Variants in MPP7 observed in about 807,000 individuals in gnomAD.
The protein encoded by MPP7 is MAGUK p55 scaffold protein 7.
In MPP7, 60 loss-of-function variants were observed where a neutral mutation model predicts 76.5. That is an observed-to-expected ratio of 0.78 (90% CI 0.64 to 0.97). The LOEUF (loss-of-function observed/expected upper bound fraction) is 0.97, where lower values mean the gene tolerates loss of function less well. Among genes scored for constraint, MPP7 ranks in the 50% least tolerant of loss-of-function variants. The probability of loss-of-function intolerance (pLI) is 0.00; values close to 1 mark genes in which losing one functional copy is unlikely to be tolerated. For missense variants in MPP7, 641 were observed against 694.0 expected (o/e 0.92, Z 0.86); for synonymous variants, 237 against 244.5 (o/e 0.97, Z 0.29).
In MPP7 at chr10:28,151,002, G is replaced by C. The variant is rs568782685; in HGVS notation, c.157-943C>G. Among the ~76,000 whole-genome samples the C allele has an allele frequency of 3.5e-3, 530 of 152,228 alleles. 3 individuals carry two copies. The highest frequency in any genetic ancestry group is 0.012 in the African/African-American group (512 of 41,538). On this transcript the variant is annotated intron_variant, in intron 3 of 16. Transcript: ENST00000683449. ...TCACTTTAGTCTCTTTTTATTTATA[G>C]TTGAAGAAAAATGTCCCCCACCATA...
chr10:28,111,204 GA>G (rs372595246), intron 11 of MPP7, among the ~76,000 whole-genome samples: 8,007 of 148,446 alleles, frequency 0.054, 261 homozygotes, highest in Middle Eastern at 0.12. Context: ...GCACCCAAAG[GA>G]AAAAAAAAAT....
At chr10:28,101,711 A>T (rs1020938234) in intron 11 of MPP7, among the ~76,000 whole-genome samples, 2 of 152,190 alleles carry the variant, frequency 1.3e-5, no homozygotes, top group Non-Finnish European at 2.9e-5. Context: ...GATTAGAACA[A>T]GTTTTCTATA....
intron 11 of MPP7, among the ~76,000 whole-genome samples, chr10:28,114,649 C>G (rs1418068068): frequency 5.3e-5 from 8 of 152,118 alleles, no homozygotes; most frequent in Non-Finnish European, 1.2e-4. Flanking sequence ...AATCCCCATA[C>G]TAGAAACCAC....
chr10:28,141,331 T>C (rs184565662), intron 5 of MPP7, among the ~76,000 whole-genome samples: 13 of 152,236 alleles, frequency 8.5e-5, no homozygotes, highest in African/African-American at 2.4e-4. Context: ...AAGCATATCC[T>C]GTTTTTACTA....
At chr10:28,148,694 TAAAAC>T (rs1257605649) in intron 4 of MPP7, among the ~76,000 whole-genome samples, 1 of 152,194 alleles carries the variant, frequency 6.6e-6, no homozygotes, top group Non-Finnish European at 1.5e-5. Flanking sequence ...TTTAGTCACT[TAAAAC>T]ATAATATATT....
At chr10:28,184,944 GTAA>G (rs956667632) in intron 3 of MPP7, among the ~76,000 whole-genome samples, 2 of 146,272 alleles carry the variant, frequency 1.4e-5, no homozygotes, top group Admixed American at 6.9e-5. Context: ...ATATCATAAT[GTAA>G]TAATATAATA....
At chr10:28,313,290 G>T (rs1008804094) in intron 2 of MPP7, among the ~76,000 whole-genome samples, 4 of 152,182 alleles carry the variant, frequency 2.6e-5, no homozygotes, top group South Asian at 2.1e-4. Context: ...AAGATCACTT[G>T]AGGTCAGGAG....
chr10:28,202,057 A>T, intron 3 of MPP7, 96 bp downstream of exon 3: 2 of 852,456 alleles, frequency 2.3e-6, no homozygotes, highest in Non-Finnish European at 3.9e-6. Context: ...TTTTGTTTTC[A>T]GAGAGCAACA....
At chr10:28,109,814 T>A (rs1588782544) in intron 11 of MPP7, among the ~76,000 whole-genome samples, 1 of 60,942 alleles carries the variant, frequency 1.6e-5, no homozygotes, top group Admixed American at 2.6e-4. Context: ...AGCCAAGAAA[T>A]AAAGCAGAAC....
At chr10:28,193,151 A>C (rs1837463880) in intron 3 of MPP7, among the ~76,000 whole-genome samples, 1 of 152,096 alleles carries the variant, frequency 6.6e-6, no homozygotes, top group Non-Finnish European at 1.5e-5. Flanking sequence ...TAACACAAGA[A>C]TATCTAAGTG....
chr10:28,104,127 G>A lies in MPP7; in HGVS notation c.953-14286C>T, dbSNP rs573931987. Among the ~76,000 whole-genome samples the A allele has an allele frequency of 3.3e-5, 5 of 152,120 alleles. No homozygotes were observed. The South Asian group carries it at 8.4e-4, about 25-fold the overall frequency. On this transcript the variant is annotated intron_variant, in intron 11 of 16. Transcript: ENST00000683449. ...AAAAGGGAAGTGATTCACAGATTTG[G>A]CTAGGTGAAAAGAAAAATACCTACA...
rs550158009 is a variant in MPP7, at chr10:28,232,405, C to G, written c.37+6163G>C. ...CACACACACACAAATTGATTGGTAA[C>G]GTAAGATGGATTGGATTGCTTTTCT... On this transcript the variant is annotated intron_variant, in intron 2 of 16. Coordinates refer to ENST00000683449, the MANE Select transcript of MPP7 (RefSeq NM_001318170.2). Among the ~76,000 whole-genome samples the G allele has an allele frequency of 6.1e-5, 9 of 148,128 alleles. No homozygotes were observed. The South Asian group carries it at 1.5e-3, about 24-fold the overall frequency.
chr10:28,052,421 T>G lies in MPP7; in HGVS notation c.*1644A>C, dbSNP rs1851393970. The G allele has an allele frequency of 6.6e-6, 1 of 152,440 alleles. No homozygotes were observed. Among genetic ancestry groups the G allele is most frequent in the South Asian group, 2.1e-4 (1 of 4,832 alleles). 9.4% of individuals were successfully genotyped at this position (152,440 alleles called of 1,614,324 possible). Reference sequence around the variant, plus strand: ...ATATAATACTTAGTCTGATTATCTATTTTGGTGTGACTATGTGTCAAGGCC... The same window carrying G: ...ATATAATACTTAGTCTGATTATCTAGTTTGGTGTGACTATGTGTCAAGGCC... On this transcript the variant is annotated 3_prime_UTR_variant, in exon 17 of 17. Coordinates refer to ENST00000683449, the MANE Select transcript of MPP7 (RefSeq NM_001318170.2).
At chr10:28,263,385 T>C (rs974096108) in intron 1 of MPP7, among the ~76,000 whole-genome samples, 43 of 152,232 alleles carry the variant, frequency 2.8e-4, no homozygotes, top group South Asian at 1.0e-3. Flanking sequence ...ACACGGAAAC[T>C]GTTCATGTCA....
rs549621404 is a variant in MPP7, at chr10:28,316,435, TAAAAAAAAAAAAA to T, written c.-132+13481_-132+13493del. Among the ~76,000 whole-genome samples the T allele has an allele frequency of 1.3e-3, 47 of 37,148 alleles. No homozygotes were observed. In the South Asian group the frequency reaches 0.017, roughly 13 times the overall value. The allele number at this position is 37,148 out of a possible 152,430, so 24.4% of individuals were successfully genotyped here. A position where few individuals can be genotyped will look rare whatever the true frequency, so the allele number is the denominator to read the frequency against. On this transcript the variant is annotated intron_variant, in intron 2 of 11. Transcript: ENST00000441595. Reference sequence around the variant, plus strand: ...GGGCAACAGAGTAAGACTCTGTCTTTAAAAAAAAAAAAAAAAAAAAAAAAAAAAAAAAAAAAAC... The same window carrying T: ...GGGCAACAGAGTAAGACTCTGTCTTTAAAAAAAAAAAAAAAAAAAAAAAAC...
Position 28,195,285 on chromosome 10 carries a change from CT to C in MPP7, c.156+6867del, listed in dbSNP as rs1300412846. ...ACAGACAAATCAGAACCCTTATACACTGCTGGTGGGAATATAAAATGGTTCA... is the reference window on the plus strand; with the variant it reads ...ACAGACAAATCAGAACCCTTATACACGCTGGTGGGAATATAAAATGGTTCA... On this transcript the variant is annotated intron_variant, in intron 3 of 16. Transcript: ENST00000683449. Among the ~76,000 whole-genome samples, 5 of 152,322 alleles carry C rather than the reference CT, an allele frequency of 3.3e-5. No individual in the cohort carries two copies. In the South Asian group the frequency reaches 1.0e-3, roughly 32 times the overall value.
At chr10:28,087,270 C>T (rs577265156) in intron 12 of MPP7, among the ~76,000 whole-genome samples, 5 of 152,330 alleles carry the variant, frequency 3.3e-5, no homozygotes, top group East Asian at 1.9e-4. Flanking sequence ...ATGAGGCCCT[C>T]GCCAGATGCC....
intron 3 of MPP7, among the ~76,000 whole-genome samples, chr10:28,158,749 C>T (rs976199954): frequency 6.6e-6 from 1 of 152,122 alleles, no homozygotes; most frequent in African/African-American, 2.4e-5. Flanking sequence ...ATCCAGCCTA[C>T]AGCACTACAG....
intron 3 of MPP7, among the ~76,000 whole-genome samples, chr10:28,173,587 T>C (rs896273909): frequency 3.3e-5 from 5 of 152,202 alleles, no homozygotes; most frequent in African/African-American, 1.2e-4. Context: ...ACCATGCTTC[T>C]TGTACAGTCT....
Sources: gnomAD v4.1 joint callset for allele counts (sites outside exome capture counted in the v4.1 genomes callset) on GRCh38, gnomAD v4.1.1 for gene constraint, MANE v1.5 for transcripts, NCBI Gene and HGNC (gene_info 2026-07-23, HGNC 2026-07-21) for gene names.